The following SARDH variants were observed in gnomAD, a reference collection of about 807,000 sequenced individuals.
SARDH encodes the protein sarcosine dehydrogenase.
SARDH carries 95 observed loss-of-function variants against 109.1 expected under a neutral mutation model. The ratio of observed to expected loss-of-function variants is 0.87; its 90% CI spans 0.74 to 1.03. The LOEUF is 1.03. SARDH is among the 50% of genes least tolerant of loss of function. The pLI is 0.00. For missense variants in SARDH, 1,267 were observed against 1,287.8 expected, an observed-to-expected ratio of 0.98 and a Z score of 0.25; for synonymous variants, 572 against 534.8, an observed-to-expected ratio of 1.07 and a Z score of -0.96.
chr9:133,723,473 C>A (rs1383654292), intron 6 of SARDH, among the ~76,000 whole-genome samples: 1 of 152,172 alleles, frequency 6.6e-6, no homozygotes, highest in Non-Finnish European at 1.5e-5. Context: ...GAGAAATAAA[C>A]CTTCTTCTGC....
chr9:133,676,000 G>A lies in SARDH; in HGVS notation c.2164-4303C>T, dbSNP rs57370353. ...CCCAGCTACTTGGAAGGCTGAAGGG[G>A]GGAGGATCACTTGAGACCAGGAGGT... is the stretch of plus-strand genomic sequence containing the variant. On this transcript the variant is annotated intron_variant, in intron 17 of 20. Coordinates refer to ENST00000439388, the MANE Select transcript of SARDH (RefSeq NM_001134707.2). Among the ~76,000 whole-genome samples the A allele has an allele frequency of 9.5e-3, 1,450 of 152,128 alleles. 24 individuals are homozygous for A. Among genetic ancestry groups the A allele is most frequent in the African/African-American group, 0.033 (1,365 of 41,494 alleles).
chr9:133,671,654 T>TCCCA lies in SARDH; in HGVS notation c.2203_2206dup (p.Glu736ValfsTer40), dbSNP rs1328391605. On this transcript the variant is annotated frameshift_variant, in exon 18 of 21. Transcript: ENST00000439388. LOFTEE classifies it high-confidence loss of function. ...GCAGGACGCCTTTGGAATGTGCAGCTCCCAGCCCAGCTCCCCCACAAAGGA... is the reference window on the plus strand; with the variant it reads ...GCAGGACGCCTTTGGAATGTGCAGCTCCCACCCAGCCCAGCTCCCCCACAAAGGA... The TCCCA allele has an allele frequency of 6.3e-7, 1 of 1,592,696 alleles. No individual in the cohort carries two copies. The highest frequency in any genetic ancestry group is 1.3e-5 in the African/African-American group (1 of 74,484).
At chr9:133,687,010 G>A (rs1006969715) in intron 16 of SARDH, among the ~76,000 whole-genome samples, 2 of 152,178 alleles carry the variant, frequency 1.3e-5, no homozygotes, top group Non-Finnish European at 2.9e-5. Context: ...CCAGGCTATG[G>A]GCTCAGCAAC....
At position 133,704,374 on chromosome 9, in the gene SARDH, G is replaced by A. The variant is rs953183172; in HGVS notation, c.1554+574C>T. Among the ~76,000 whole-genome samples the A allele has an allele frequency of 6.6e-6, 1 of 152,116 alleles. No individual in the cohort carries two copies. Among genetic ancestry groups the A allele is most frequent in the South Asian group, 2.1e-4 (1 of 4,828 alleles). On this transcript the variant is annotated intron_variant, in intron 12 of 20. Transcript: ENST00000439388. The surrounding 1 kb of genome is among the most constrained non-coding windows in gnomAD (Gnocchi z 4.5). ...TTAAGGCCTCGCGTCCCCTGCTCCC[G>A]AGGGTCTGGGTCCCAGGTTTCACAG...
At chr9:133,675,357 A>AG (rs1830480565) in intron 17 of SARDH, among the ~76,000 whole-genome samples, 1 of 151,952 alleles carries the variant, frequency 6.6e-6, no homozygotes, top group Admixed American at 6.6e-5. Context: ...TTTAAAAAAA[A>AG]AAAAAATAGG....
At chr9:133,732,045 G>A (rs1832702379) in intron 3 of SARDH, among the ~76,000 whole-genome samples, 1 of 152,170 alleles carries the variant, frequency 6.6e-6, no homozygotes, top group Admixed American at 6.5e-5. Flanking sequence ...CTCTGTCTGG[G>A]AATTCTGAAT....
intron 1 of SARDH, among the ~76,000 whole-genome samples, 197 bp from the exon 2 acceptor site, chr9:133,734,400 T>TTCAC (rs1269746155): frequency 1.1e-3 from 147 of 131,828 alleles, no homozygotes; most frequent in African/African-American, 4.5e-3. Flanking sequence ...CATTCACTCA[T>TTCAC]TCATTCACTC....
intron 15 of SARDH, among the ~76,000 whole-genome samples, chr9:133,691,999 A>G (rs1048663204): frequency 6.6e-6 from 1 of 152,138 alleles, no homozygotes; most frequent in African/African-American, 2.4e-5. Context: ...CTAATTGTGC[A>G]CCACTGGGAG....
chr9:133,701,312 A>G (rs1403751114), intron 13 of SARDH, among the ~76,000 whole-genome samples: 2 of 152,242 alleles, frequency 1.3e-5, no homozygotes, highest in African/African-American at 4.8e-5. Flanking sequence ...CACAGGGACC[A>G]TCTGCCTCCT....
In SARDH at chr9:133,685,114, C is replaced by T. The variant is rs1830837294; in HGVS notation, c.2163+79G>A. On this transcript the variant is annotated intron_variant, in intron 17 of 20. Coordinates refer to ENST00000439388, the MANE Select transcript of SARDH (RefSeq NM_001134707.2). The stretch of plus-strand genomic sequence containing the variant: ...GCAAAGGAACCTGCCCGAGAGCCCC[C>T]AGCCCCCAGATCCCCCGGCGCACCC... The T allele has an allele frequency of 1.2e-5, 15 of 1,263,786 alleles. No homozygotes were observed. In the South Asian group the frequency reaches 1.7e-4, roughly 15 times the overall value. The allele number at this position is 1,263,786 out of a possible 1,614,324, so 78.3% of individuals were successfully genotyped here.
At position 133,692,707 on chromosome 9, in the gene SARDH, C is replaced by CAA. The variant is rs1564257994; in HGVS notation, c.1921+1550_1921+1551insTT. ...CCTGAAGCCCCACCGGCCTCCTTCACCTCCTCCCGACCCTGGCTACCTGGT... is the reference window on the plus strand; with the variant it reads ...CCTGAAGCCCCACCGGCCTCCTTCACAACTCCTCCCGACCCTGGCTACCTGGT... On this transcript the variant is annotated intron_variant, in intron 15 of 20. Coordinates refer to ENST00000439388, the MANE Select transcript of SARDH (RefSeq NM_001134707.2). The surrounding 1 kb of genome is among the most constrained non-coding windows in gnomAD (Gnocchi z 5.0). 1.3e-5 allele frequency among the ~76,000 whole-genome samples: 2 copies of CAA among 151,712 alleles called. No homozygotes were observed. Among genetic ancestry groups the CAA allele is most frequent in the African/African-American group, 4.9e-5 (2 of 41,220 alleles).
rs1183833017 is a variant in SARDH at position 133,693,517 on chromosome 9, C to G, written c.1921+741G>C. Among the ~76,000 whole-genome samples the G allele has an allele frequency of 6.6e-6, 1 of 152,222 alleles. No individual in the cohort carries two copies. Among genetic ancestry groups the G allele is most frequent in the East Asian group, 1.9e-4 (1 of 5,200 alleles). ...AGCACAGAGAGCTGCACGGTCAGCA[C>G]CTTCCCCTGTGCAGGTCCCATCCCA... is the stretch of plus-strand genomic sequence containing the variant. On this transcript the variant is annotated intron_variant, in intron 15 of 20. Transcript: ENST00000439388. This position sits in a 1 kb window ranked among gnomAD's most constrained non-coding sequence, Gnocchi z 5.6.
At position 133,709,225 on chromosome 9, in the gene SARDH, A is replaced by G. The variant is rs983103867; in HGVS notation, c.1329-797T>C. On this transcript the variant is annotated intron_variant, in intron 10 of 20. Coordinates refer to ENST00000439388, the MANE Select transcript of SARDH (RefSeq NM_001134707.2). The surrounding 1 kb of genome is among the most constrained non-coding windows in gnomAD (Gnocchi z 4.2). ...CCCGGCGGGCCCCATGCTATTTCTCATGGAGCTACGGAGCTCTGTGGCTGC... is the reference window on the plus strand; with the variant it reads ...CCCGGCGGGCCCCATGCTATTTCTCGTGGAGCTACGGAGCTCTGTGGCTGC... Among the ~76,000 whole-genome samples, 19 of 152,104 alleles carry G rather than the reference A, an allele frequency of 1.2e-4. No individual in the cohort carries two copies. Among genetic ancestry groups the G allele is most frequent in the African/African-American group, 3.9e-4 (16 of 41,430 alleles).
chr9:133,728,959 G>C lies in SARDH; in HGVS notation c.915+806C>G, dbSNP rs1434327127. 1.3e-5 allele frequency among the ~76,000 whole-genome samples: 2 copies of C among 151,696 alleles called. No homozygotes were observed. Among genetic ancestry groups the C allele is most frequent in the Non-Finnish European group, 2.9e-5 (2 of 67,972 alleles). Reference sequence around the variant, plus strand: ...ATGTGGATAAATAGATGAATAGATAGATGGAGAGATGGAGGACGGAAGAAT... The same window carrying C: ...ATGTGGATAAATAGATGAATAGATACATGGAGAGATGGAGGACGGAAGAAT... On this transcript the variant is annotated intron_variant, in intron 6 of 20. Transcript: ENST00000439388. This position sits in a 1 kb window ranked among gnomAD's most constrained non-coding sequence, Gnocchi z 5.0.
chr9:133,688,740 G>A (rs1223599093), intron 16 of SARDH, among the ~76,000 whole-genome samples: 5 of 152,238 alleles, frequency 3.3e-5, no homozygotes, highest in African/African-American at 1.2e-4. Context: ...TGTTACCACT[G>A]CTGGGAGCAG....
chr9:133,660,003 G>A (rs544966506), downstream of SARDH, among the ~76,000 whole-genome samples: 19 of 152,166 alleles, frequency 1.2e-4, no homozygotes, highest in African/African-American at 3.1e-4. Context: ...GCCCAAGAGC[G>A]GCAGTGATTG....
chr9:133,715,586 A>G (rs1229028481), intron 8 of SARDH, among the ~76,000 whole-genome samples: 1 of 152,120 alleles, frequency 6.6e-6, no homozygotes, highest in Admixed American at 6.5e-5. Flanking sequence ...GCAGATGCTG[A>G]GCGTGCCAGG....
chr9:133,661,348 AAC>A (rs765122743), downstream of SARDH, among the ~76,000 whole-genome samples: 4 of 143,178 alleles, frequency 2.8e-5, no homozygotes, highest in African/African-American at 8.7e-5. Context: ...TCAAAAAAAA[AAC>A]AACAACAACA....
intron 1 of SARDH, among the ~76,000 whole-genome samples, chr9:133,734,416 TTCATTCATTCAC>T (rs1344162180): frequency 7.6e-4 from 39 of 51,014 alleles, no homozygotes; most frequent in Non-Finnish European, 8.5e-4. Flanking sequence ...CACTCATTCA[TTCATTCATTCAC>T]TCATTCATTC....
Sources: gnomAD v4.1 joint callset for allele counts (sites outside exome capture counted in the v4.1 genomes callset) on GRCh38, gnomAD v4.1.1 for gene constraint, Gnocchi (gnomAD v3.1) non-coding constraint, MANE v1.5 for transcripts, NCBI Gene and HGNC (gene_info 2026-07-23, HGNC 2026-07-21) for gene names.